The following SLCO3A1 variants were observed in gnomAD, a reference collection of about 807,000 sequenced individuals.
SLCO3A1 encodes the protein PGE1 transporter.
A neutral mutation model predicts 63.1 loss-of-function variants in SLCO3A1; 27 were observed. The observed-to-expected ratio is 0.43, with a 90% confidence interval of 0.32 to 0.59. The LOEUF is 0.59. Among genes scored for constraint, SLCO3A1 ranks in the 20% least tolerant of loss-of-function variants. SLCO3A1 has a pLI of 0.09. For synonymous variants in SLCO3A1, 473 were observed against 409.9 expected (o/e 1.15, Z -1.86); for missense variants, 773 against 945.8 (o/e 0.82, Z 2.40).
chr15:91,998,645 G>A (rs766955191), intron 2 of SLCO3A1, among the ~76,000 whole-genome samples: 17 of 152,124 alleles, frequency 1.1e-4, no homozygotes, highest in African/African-American at 4.1e-4. Flanking sequence ...AACAGCAGAC[G>A]CTGGCAAGGC....
At chr15:91,935,736 A>C (rs540610628) in intron 2 of SLCO3A1, among the ~76,000 whole-genome samples, 1 of 152,168 alleles carries the variant, frequency 6.6e-6, no homozygotes, top group South Asian at 2.1e-4. Flanking sequence ...GCAGAGACTG[A>C]GTTGCTGAGC....
At chr15:91,884,301 G>A (rs1461730399) in intron 1 of SLCO3A1, among the ~76,000 whole-genome samples, 1 of 152,110 alleles carries the variant, frequency 6.6e-6, no homozygotes, top group Non-Finnish European at 1.5e-5. Flanking sequence ...CTGAGATTGG[G>A]AGTTCAAGAC....
chr15:92,107,852 C>G (rs755897364), intron 4 of SLCO3A1, among the ~76,000 whole-genome samples: 6 of 152,242 alleles, frequency 3.9e-5, no homozygotes, highest in Admixed American at 6.5e-5. Flanking sequence ...CCAGCTCAGT[C>G]GCTTCTTAAT....
chr15:92,150,446 A>C (rs368489184), intron 8 of SLCO3A1, among the ~76,000 whole-genome samples: 3 of 152,168 alleles, frequency 2.0e-5, no homozygotes, highest in East Asian at 3.9e-4. Context: ...TGCTAAGTGG[A>C]TTATTTCCCA....
At chr15:91,936,260 A>G (rs146691994) in intron 2 of SLCO3A1, among the ~76,000 whole-genome samples, 12 of 152,382 alleles carry the variant, frequency 7.9e-5, no homozygotes, top group East Asian at 3.9e-4. Flanking sequence ...ACTAATTTAC[A>G]TGATTTCTAG....
chr15:92,013,560 G>A lies in SLCO3A1; in HGVS notation c.647-81321G>A, dbSNP rs554170575. On this transcript the variant is annotated intron_variant, in intron 2 of 9. Coordinates refer to ENST00000318445, the MANE Select transcript of SLCO3A1 (RefSeq NM_013272.4). ...TTGAAACAAGGTGCCCCAGCCACCC[G>A]CCGAGTTAGGTTACACTTCTCAGCT... Among the ~76,000 whole-genome samples, 7 of 152,302 alleles carry A rather than the reference G, an allele frequency of 4.6e-5. No individual in the cohort carries two copies. The East Asian group carries it at 1.2e-3, about 25-fold the overall frequency.
rs1597149438 is a variant in SLCO3A1, at chr15:91,950,369, G to A, written c.646+33911G>A. 6.6e-6 allele frequency among the ~76,000 whole-genome samples: 1 copy of A among 152,180 alleles called. No homozygotes were observed. The highest frequency in any genetic ancestry group is 2.4e-5 in the African/African-American group (1 of 41,444). ...GTGGGACAGGGGCCCTGGCTGGGCA[G>A]GCAGGGGGAGCCCAGCCCTGTCACT... On this transcript the variant is annotated intron_variant, in intron 2 of 9. Transcript: ENST00000318445. This position sits in a 1 kb window ranked among gnomAD's most constrained non-coding sequence, Gnocchi z 4.4.
chr15:91,962,340 A>T (rs983435626), intron 2 of SLCO3A1, among the ~76,000 whole-genome samples: 1 of 151,980 alleles, frequency 6.6e-6, no homozygotes, highest in African/African-American at 2.4e-5. Context: ...TTAGCCAGGC[A>T]TGGTGGCACA....
At chr15:91,928,355 T>C (rs935961148) in intron 2 of SLCO3A1, among the ~76,000 whole-genome samples, 1 of 152,196 alleles carries the variant, frequency 6.6e-6, no homozygotes, top group Non-Finnish European at 1.5e-5. Flanking sequence ...TGTTATTCTT[T>C]CTGTGTAGGT....
At position 91,948,562 on chromosome 15, in the gene SLCO3A1, G is replaced by C. The variant is rs1420950595; in HGVS notation, c.646+32104G>C. Among the ~76,000 whole-genome samples, 2 of 152,230 alleles carry C rather than the reference G, an allele frequency of 1.3e-5. No homozygotes were observed. The highest frequency in any genetic ancestry group is 2.9e-5 in the Non-Finnish European group (2 of 68,038). ...TCAGGAGAGGGCCGAATGTGCACGA[G>C]ACTCTGCAGGAAGGCTGAAAAACTT... On this transcript the variant is annotated intron_variant, in intron 2 of 9. Transcript: ENST00000318445. The surrounding 1 kb of genome is among the most constrained non-coding windows in gnomAD (Gnocchi z 4.8).
At chr15:92,044,598 C>G (rs1340541530) in intron 2 of SLCO3A1, among the ~76,000 whole-genome samples, 1 of 152,106 alleles carries the variant, frequency 6.6e-6, no homozygotes, top group Non-Finnish European at 1.5e-5. Context: ...ACGGTCAGGG[C>G]CCCTCACCTT....
chr15:92,140,944 A>G (rs1236381918), intron 7 of SLCO3A1, among the ~76,000 whole-genome samples: 1 of 152,158 alleles, frequency 6.6e-6, no homozygotes, highest in African/African-American at 2.4e-5. Context: ...CTGACCAACC[A>G]CATTGTGACT....
At chr15:92,096,914 G>A (rs1277316716) in intron 3 of SLCO3A1, among the ~76,000 whole-genome samples, 2 of 152,220 alleles carry the variant, frequency 1.3e-5, no homozygotes, top group Non-Finnish European at 2.9e-5. Context: ...TTCCTAGGGA[G>A]TGTGGTAACA....
chr15:92,159,393 G>A (rs2048409305), intron 9 of SLCO3A1, among the ~76,000 whole-genome samples: 1 of 151,626 alleles, frequency 6.6e-6, no homozygotes, highest in Non-Finnish European at 1.5e-5. Context: ...ACTGAGGCAG[G>A]AAAATCACTT....
intron 2 of SLCO3A1, among the ~76,000 whole-genome samples, chr15:92,013,559 C>G (rs753256677): frequency 1.3e-5 from 2 of 152,130 alleles, no homozygotes; most frequent in South Asian, 2.1e-4. Flanking sequence ...CCCAGCCACC[C>G]GCCGAGTTAG....
At chr15:92,171,561 C>A (rs948781302) in intron 10 of SLCO3A1, 6 of 517,780 alleles carry the variant, frequency 1.2e-5, no homozygotes, top group African/African-American at 1.9e-5. Context: ...ATATCCTTCC[C>A]AGAAAGGATA....
chr15:92,171,658 C>G (rs530593450), intron 10 of SLCO3A1: 2 of 707,164 alleles, frequency 2.8e-6, no homozygotes, highest in South Asian at 3.4e-5. Context: ...GCTTTGACTG[C>G]CTACTCTTGT....
intron 2 of SLCO3A1, among the ~76,000 whole-genome samples, chr15:92,024,401 G>A (rs2046545719): frequency 6.6e-6 from 1 of 152,218 alleles, no homozygotes; most frequent in South Asian, 2.1e-4. Flanking sequence ...AGTGGGAAGT[G>A]TATGGACATA....
chr15:92,152,096 T>C (rs1285350814), intron 9 of SLCO3A1, among the ~76,000 whole-genome samples: 2 of 152,236 alleles, frequency 1.3e-5, no homozygotes, highest in Non-Finnish European at 2.9e-5. Flanking sequence ...TATTTTTCCA[T>C]TTTATCAGAA....
Sources: allele counts gnomAD v4.1 joint callset (sites outside exome capture counted in the v4.1 genomes callset), GRCh38; gene constraint gnomAD v4.1.1; non-coding constraint Gnocchi (gnomAD v3.1); transcripts MANE v1.5; gene names NCBI Gene and HGNC (gene_info 2026-07-23, HGNC 2026-07-21).